Variants in MYO3B observed in about 807,000 individuals in gnomAD.
The protein encoded by MYO3B is myosin-IIIb.
MYO3B carries 156 observed loss-of-function variants against 174.6 expected under a neutral mutation model. That is an observed-to-expected ratio of 0.89 (90% CI 0.78 to 1.02). MYO3B has a LOEUF of 1.02. Ranked by LOEUF, MYO3B falls within the 50% of genes least tolerant of loss-of-function variation. The probability of loss-of-function intolerance (pLI) is 0.00; values close to 1 mark genes in which losing one functional copy is unlikely to be tolerated. For missense variants in MYO3B, 1,632 were observed against 1,639.4 expected, an observed-to-expected ratio of 1.00 and a Z score of 0.08; for synonymous variants, 563 against 569.1, an observed-to-expected ratio of 0.99 and a Z score of 0.15.
intron 6 of MYO3B, among the ~76,000 whole-genome samples, chr2:170,225,897 T>C (rs1163574890): frequency 6.6e-6 from 1 of 152,242 alleles, no homozygotes; most frequent in Non-Finnish European, 1.5e-5. Context: ...AGTGGTGGCA[T>C]ATGTTGCCCC....
chr2:170,551,317 G>A (rs1690868341), intron 32 of MYO3B, among the ~76,000 whole-genome samples: 1 of 135,106 alleles, frequency 7.4e-6, no homozygotes, highest in Non-Finnish European at 1.6e-5. Context: ...AGATCTGAAT[G>A]TTTTCATATA....
chr2:170,462,923 A>G (rs561122924), intron 23 of MYO3B, among the ~76,000 whole-genome samples: 1 of 152,318 alleles, frequency 6.6e-6, no homozygotes, highest in East Asian at 1.9e-4. Context: ...TGGTTGCAGC[A>G]TCAGAGTCTG....
intron 1 of MYO3B, among the ~76,000 whole-genome samples, chr2:170,180,590 A>T (rs921917166): frequency 6.6e-6 from 1 of 152,114 alleles, no homozygotes; most frequent in Admixed American, 6.5e-5. Flanking sequence ...ATGTTTTTTT[A>T]AAAAATATTT....
intron 1 of MYO3B, among the ~76,000 whole-genome samples, chr2:170,195,545 T>C (rs1301794525): frequency 6.6e-6 from 1 of 152,034 alleles, no homozygotes; most frequent in Non-Finnish European, 1.5e-5. Context: ...CATCCTCAAG[T>C]CTGTGTGACC....
At chr2:170,381,153 AAACAAC>A (rs1269661514) in intron 9 of MYO3B, among the ~76,000 whole-genome samples, 1 of 152,032 alleles carries the variant, frequency 6.6e-6, no homozygotes, top group Non-Finnish European at 1.5e-5. Context: ...AAAATTTTAA[AAACAAC>A]AACCCCCCCC....
rs1699174718 is a variant in MYO3B, at chr2:170,654,389, G to A, written c.*1268G>A. On this transcript the variant is annotated 3_prime_UTR_variant, in exon 35 of 35. Coordinates refer to ENST00000408978, the MANE Select transcript of MYO3B (RefSeq NM_138995.5). ...GCGGTGGCTCAGGCCTGTAATCCCAGCACTTTGGGAGGCCAAGATGGGCGG... is the reference window on the plus strand; with the variant it reads ...GCGGTGGCTCAGGCCTGTAATCCCAACACTTTGGGAGGCCAAGATGGGCGG... 1 of 152,058 alleles carries A rather than the reference G, an allele frequency of 6.6e-6. No individual in the cohort carries two copies. The highest frequency in any genetic ancestry group is 2.1e-4 in the South Asian group (1 of 4,816). 9.4% of individuals were successfully genotyped at this position (152,058 alleles called of 1,614,324 possible). A position where few individuals can be genotyped will look rare whatever the true frequency, so the allele number is the denominator to read the frequency against.
At chr2:170,463,592 A>C (rs1321346635) in intron 24 of MYO3B, 147 bp downstream of exon 24, 2 of 695,068 alleles carry the variant, frequency 2.9e-6, no homozygotes, top group Non-Finnish European at 4.9e-6. Flanking sequence ...GAAGCAAGGA[A>C]GGAAGAGAAC....
intron 32 of MYO3B, among the ~76,000 whole-genome samples, chr2:170,612,531 C>G (rs541764068): frequency 6.6e-6 from 1 of 152,254 alleles, no homozygotes; most frequent in East Asian, 1.9e-4. Flanking sequence ...CTACCACATC[C>G]CCAGTGTGTA....
chr2:170,499,301 C>T (rs1432425675), intron 26 of MYO3B, among the ~76,000 whole-genome samples: 1 of 152,102 alleles, frequency 6.6e-6, no homozygotes, highest in Non-Finnish European at 1.5e-5. Context: ...CTGGGTCAGT[C>T]CTCTTGGTTA....
intron 32 of MYO3B, among the ~76,000 whole-genome samples, chr2:170,605,281 C>G (rs1694745314): frequency 6.6e-6 from 1 of 152,220 alleles, no homozygotes; most frequent in African/African-American, 2.4e-5. Context: ...TCCCAAACCT[C>G]TAAATGCCAG....
rs112498010 is a variant in MYO3B, at chr2:170,403,654, C to T, written c.2278-593C>T. ...ATGAAACATTCTGGCTAAGCCTCTTCGATGCAGGGATAATTGTTTTAATGC... is the reference window on the plus strand; with the variant it reads ...ATGAAACATTCTGGCTAAGCCTCTTTGATGCAGGGATAATTGTTTTAATGC... On this transcript the variant is annotated intron_variant, in intron 19 of 34. Transcript: ENST00000408978. Among the ~76,000 whole-genome samples the T allele has an allele frequency of 6.1e-3, 936 of 152,240 alleles. 11 individuals carry two copies. The highest frequency in any genetic ancestry group is 0.019 in the African/African-American group (782 of 41,548).
chr2:170,277,803 T>A (rs2093474381), intron 7 of MYO3B, among the ~76,000 whole-genome samples: 1 of 152,214 alleles, frequency 6.6e-6, no homozygotes, highest in Admixed American at 6.5e-5. Context: ...GCTGCACATC[T>A]TTCAGATATT....
chr2:170,237,518 AGT>A (rs1276372756), intron 7 of MYO3B, among the ~76,000 whole-genome samples: 4 of 122,058 alleles, frequency 3.3e-5, no homozygotes, highest in Non-Finnish European at 5.0e-5. Flanking sequence ...GGCAGCAAAG[AGT>A]GTGTGTTTTT....
At chr2:170,184,421 T>A (rs546082406) in intron 1 of MYO3B, among the ~76,000 whole-genome samples, 1 of 152,176 alleles carries the variant, frequency 6.6e-6, no homozygotes, top group South Asian at 2.1e-4. Context: ...CTTTCACAAG[T>A]AAGTGAGAAC....
chr2:170,648,128 A>C (rs1242339306), intron 32 of MYO3B: 1 of 152,196 alleles, frequency 6.6e-6, no homozygotes, highest in Non-Finnish European at 1.5e-5. Flanking sequence ...ACCATATTGC[A>C]GAGTATGGAC....
At position 170,514,954 on chromosome 2, in the gene MYO3B, C is replaced by A; in HGVS notation, c.3404C>A (p.Ser1135Tyr). 1 of 1,613,824 alleles carries A rather than the reference C, an allele frequency of 6.2e-7. No homozygotes were observed. The highest frequency in any genetic ancestry group is 8.5e-7 in the Non-Finnish European group (1 of 1,179,808). ...TCAAACCAAAGCAGTGGGCCACATTCCCCCGTCGCAGCAGGTACGAGGGGA... is the reference window on the plus strand; with the variant it reads ...TCAAACCAAAGCAGTGGGCCACATTACCCCGTCGCAGCAGGTACGAGGGGA... Reference protein sequence around the residue: ...DTSNQSSGPHSPVAAGTRGSA... With the variant: ...DTSNQSSGPHYPVAAGTRGSA... The change falls in exon 29 of 35, where the codon TCC becomes TAC. Residue 1135 changes from serine to tyrosine, a missense_variant. Ser to Tyr is a moderately radical substitution (Grantham distance 144). Transcript: ENST00000408978.
intron 6 of MYO3B, among the ~76,000 whole-genome samples, chr2:170,225,577 A>T (rs2092943591): frequency 6.6e-6 from 1 of 152,182 alleles, no homozygotes; most frequent in African/African-American, 2.4e-5. Flanking sequence ...AATTTAGGAG[A>T]TTTACATTTT....
intron 8 of MYO3B, chr2:170,350,558 G>C (rs1026939194): frequency 2.0e-5 from 3 of 152,166 alleles, no homozygotes; most frequent in African/African-American, 7.2e-5. Context: ...CCATTTGAAG[G>C]CTGCCTTAGG....
chr2:170,482,492 G>GT (rs1181583146), intron 25 of MYO3B, among the ~76,000 whole-genome samples: 1 of 152,196 alleles, frequency 6.6e-6, no homozygotes, highest in Non-Finnish European at 1.5e-5. Flanking sequence ...CACGTAAAAT[G>GT]TGACTTGCTC....
Sources: allele counts gnomAD v4.1 joint callset (sites outside exome capture counted in the v4.1 genomes callset), GRCh38; gene constraint gnomAD v4.1.1; transcripts MANE v1.5; gene names NCBI Gene and HGNC (gene_info 2026-07-23, HGNC 2026-07-21).